PDZD2: variants seen among roughly 807,000 people sequenced by gnomAD.
The protein encoded by PDZD2 is PDZ domain-containing protein 2.
PDZD2 carries 90 observed loss-of-function variants against 220.7 expected under a neutral mutation model. The observed-to-expected ratio is 0.41, with a 90% CI of 0.34 to 0.49. PDZD2 has a LOEUF of 0.49. PDZD2 is among the 20% of genes least tolerant of loss of function. The pLI is 0.28. For synonymous variants in PDZD2, 1,375 were observed against 1,450.5 expected (o/e 0.95, Z 1.18); for missense variants, 3,174 against 3,608.5 (o/e 0.88, Z 3.08).
intron 2 of PDZD2, among the ~76,000 whole-genome samples, chr5:31,975,267 G>A (rs1233922440): frequency 6.6e-6 from 1 of 152,162 alleles, no homozygotes; most frequent in East Asian, 1.9e-4. Context: ...GGCAAATGAG[G>A]AGCAAAGTCA....
At chr5:31,770,715 G>A (rs1436394234) in intron 1 of PDZD2, among the ~76,000 whole-genome samples, 1 of 128,112 alleles carries the variant, frequency 7.8e-6, no homozygotes, top group Non-Finnish European at 1.7e-5. Flanking sequence ...CCAGCGGCTG[G>A]GAGAGCTCTA....
chr5:32,061,882 A>C (rs1336390944), intron 14 of PDZD2, among the ~76,000 whole-genome samples: 2 of 152,212 alleles, frequency 1.3e-5, no homozygotes, highest in Non-Finnish European at 2.9e-5. Context: ...ATTAATTTAA[A>C]TTGTTTCTGT....
chr5:31,858,719 T>C (rs952156797), intron 2 of PDZD2, among the ~76,000 whole-genome samples: 4 of 148,096 alleles, frequency 2.7e-5, no homozygotes, highest in Non-Finnish European at 3.0e-5. Flanking sequence ...CTCCCTCCCT[T>C]CCTCCCTTCC....
At chr5:31,847,409 C>T in intron 2 of PDZD2, 1 of 498,096 alleles carries the variant, frequency 2.0e-6, no homozygotes, top group Non-Finnish European at 3.8e-6. Context: ...GTACAACACA[C>T]CCAAATACAG....
At chr5:31,966,907 T>A (rs1581176144) in intron 2 of PDZD2, among the ~76,000 whole-genome samples, 1 of 152,114 alleles carries the variant, frequency 6.6e-6, no homozygotes, top group South Asian at 2.1e-4. Flanking sequence ...GAAAATCAGA[T>A]CTTCAAAAAT....
At chr5:31,683,089 C>G (rs896656035) in intron 1 of PDZD2, among the ~76,000 whole-genome samples, 5 of 151,696 alleles carry the variant, frequency 3.3e-5, no homozygotes, top group African/African-American at 1.2e-4. Flanking sequence ...AAGTTTTGCT[C>G]ATTAAACACC....
intron 5 of PDZD2, among the ~76,000 whole-genome samples, chr5:32,002,391 C>T (rs1343825020): frequency 6.6e-6 from 1 of 152,068 alleles, no homozygotes; most frequent in Admixed American, 6.5e-5. Flanking sequence ...TCACCCAGAG[C>T]GTCTGCCTGT....
At chr5:31,761,932 T>G (rs531783841) in intron 1 of PDZD2, among the ~76,000 whole-genome samples, 8 of 151,498 alleles carry the variant, frequency 5.3e-5, no homozygotes, top group Admixed American at 2.6e-4. Flanking sequence ...TGCTGGCGTC[T>G]GGGAGGGACC....
intron 2 of PDZD2, 39 bp from the exon 3 acceptor site, chr5:31,983,114 GGT>G (rs1750428996): frequency 7.6e-6 from 12 of 1,583,634 alleles, no homozygotes; most frequent in Non-Finnish European, 1.0e-5. Context: ...GTCTAGGAAG[GGT>G]GTGTGGGGTT....
At chr5:31,665,705 C>T (rs1745963369) in intron 1 of PDZD2, among the ~76,000 whole-genome samples, 1 of 146,910 alleles carries the variant, frequency 6.8e-6, no homozygotes, top group South Asian at 2.3e-4. Flanking sequence ...CACCTTCTGC[C>T]ATGATTGTAA....
chr5:31,873,800 G>A (rs945301279), intron 2 of PDZD2, among the ~76,000 whole-genome samples: 75 of 150,388 alleles, frequency 5.0e-4, no homozygotes, highest in African/African-American at 1.6e-3. Flanking sequence ...GTGTGATCTC[G>A]GCTCACGGCA....
chr5:31,758,555 G>A (rs1271378433), intron 1 of PDZD2, among the ~76,000 whole-genome samples: 2 of 152,216 alleles, frequency 1.3e-5, no homozygotes, highest in African/African-American at 2.4e-5. Context: ...ATGGGCCCCG[G>A]AAGATTCTAC....
At chr5:31,734,563 C>A (rs986456574) in intron 1 of PDZD2, among the ~76,000 whole-genome samples, 2 of 152,148 alleles carry the variant, frequency 1.3e-5, no homozygotes, top group African/African-American at 4.8e-5. Flanking sequence ...AGGTGATCCA[C>A]CCACCTCAGC....
chr5:31,988,058 C>T (rs1479555429), intron 3 of PDZD2, among the ~76,000 whole-genome samples: 2 of 152,232 alleles, frequency 1.3e-5, no homozygotes, highest in East Asian at 3.8e-4. Context: ...CTACCCGGGA[C>T]ATCGCCCCAC....
chr5:31,855,002 C>A (rs894591790), intron 2 of PDZD2: 29 of 985,310 alleles, frequency 2.9e-5, no homozygotes, highest in Admixed American at 6.1e-5. Context: ...GGGCAGCTGG[C>A]AGCCGCCCCA....
intron 1 of PDZD2, among the ~76,000 whole-genome samples, chr5:31,679,774 G>C (rs1238582313): frequency 6.6e-6 from 1 of 152,168 alleles, no homozygotes; most frequent in Non-Finnish European, 1.5e-5. Context: ...CCTCCCAAAA[G>C]TGCTGGGATT....
chr5:31,833,305 A>G (rs2150272774), intron 2 of PDZD2, among the ~76,000 whole-genome samples: 1 of 152,186 alleles, frequency 6.6e-6, no homozygotes, highest in South Asian at 2.1e-4. Context: ...ACGTCTCTAC[A>G]AAAAATACAA....
chr5:32,013,783 T>TC lies in PDZD2; in HGVS notation c.1407+3304dup, dbSNP rs534089208. ...CACCAGACGGGACACCACCTCCGCC[T>TC]CCCTCCCCTTCTGCTCCACCCCCAT... is the stretch of plus-strand genomic sequence containing the variant. On this transcript the variant is annotated intron_variant, in intron 6 of 24. Coordinates refer to ENST00000438447, the MANE Select transcript of PDZD2 (RefSeq NM_178140.4). Among the ~76,000 whole-genome samples, 29 of 152,214 alleles carry TC rather than the reference T, an allele frequency of 1.9e-4. No homozygotes were observed. The East Asian group carries it at 5.4e-3, about 28-fold the overall frequency.
At chr5:31,878,397 T>C (rs1330762328) in intron 2 of PDZD2, among the ~76,000 whole-genome samples, 1 of 152,026 alleles carries the variant, frequency 6.6e-6, no homozygotes, top group African/African-American at 2.4e-5. Context: ...TCTCTTTTTC[T>C]GAACTTCAGA....
Sources: gnomAD v4.1 joint callset for allele counts (sites outside exome capture counted in the v4.1 genomes callset) on GRCh38, gnomAD v4.1.1 for gene constraint, MANE v1.5 for transcripts, NCBI Gene and HGNC (gene_info 2026-07-23, HGNC 2026-07-21) for gene names.